EVA1A: variants seen among roughly 807,000 people sequenced by gnomAD.
The protein encoded by EVA1A is eva-1 homolog A, regulator of programmed cell death.
EVA1A carries 7 observed loss-of-function variants against 9.8 expected under a neutral mutation model. That is an observed-to-expected ratio of 0.71 (90% CI 0.41 to 1.34). The LOEUF (loss-of-function observed/expected upper bound fraction) is 1.34, where lower values mean the gene tolerates loss of function less well. EVA1A is among the 40% of genes most tolerant of loss of function. EVA1A has a pLI of 0.01. For synonymous variants in EVA1A, 90 were observed against 85.6 expected, an observed-to-expected ratio of 1.05 and a Z score of -0.28; for missense variants, 206 against 205.9, an observed-to-expected ratio of 1.00 and a Z score of 0.00.
At position 75,493,496 on chromosome 2, in the gene EVA1A, G is replaced by T; in HGVS notation, c.199C>A (p.Pro67Thr). 1 of 1,614,208 alleles carries T rather than the reference G, an allele frequency of 6.2e-7. No homozygotes were observed. The highest frequency in any genetic ancestry group is 2.2e-5 in the East Asian group (1 of 44,884). Reference protein sequence around the residue: ...ISCHTDCRRRPGKKFLQDRES... With the variant: ...ISCHTDCRRRTGKKFLQDRES... Reference sequence around the variant, plus strand: ...CTGTCCTGCAGGAACTTCTTCCCGGGACGCCGCCTGCAGTCTGTGTGGCAA... The same window carrying T: ...CTGTCCTGCAGGAACTTCTTCCCGGTACGCCGCCTGCAGTCTGTGTGGCAA... Residue 67 changes from proline (P) to threonine (T), a missense_variant, in exon 4 of 4, where the codon CCC (proline) becomes ACC (threonine). Physicochemically the swap from Pro to Thr is conservative, Grantham distance 38. Transcript: ENST00000393913.
At chr2:75,503,195 T>C (rs1207460725) in intron 3 of EVA1A, among the ~76,000 whole-genome samples, 1 of 152,194 alleles carries the variant, frequency 6.6e-6, no homozygotes, top group Non-Finnish European at 1.5e-5. Context: ...ATTTATGTCA[T>C]GCCTCTTCAT....
intron 1 of EVA1A, among the ~76,000 whole-genome samples, chr2:75,544,076 C>T (rs1278523901): frequency 2.0e-5 from 3 of 152,194 alleles, no homozygotes; most frequent in Admixed American, 6.5e-5. Flanking sequence ...TATACTCATG[C>T]CCGCTTCAGA....
At chr2:75,533,785 T>A (rs1022909586) in intron 1 of EVA1A, among the ~76,000 whole-genome samples, 93 of 150,982 alleles carry the variant, frequency 6.2e-4, no homozygotes, top group African/African-American at 1.9e-3. Flanking sequence ...AAATAATAAT[T>A]ATTATTTTAT....
intron 3 of EVA1A, among the ~76,000 whole-genome samples, chr2:75,498,585 C>T (rs1430582715): frequency 6.6e-6 from 1 of 152,132 alleles, no homozygotes; most frequent in African/African-American, 2.4e-5. Flanking sequence ...TTCAAAACAG[C>T]TGTATATAAT....
intron 2 of EVA1A, among the ~76,000 whole-genome samples, chr2:75,519,534 G>C (rs1356647603): frequency 1.3e-5 from 2 of 152,218 alleles, no homozygotes; most frequent in East Asian, 3.8e-4. Context: ...GAGGCTCTGA[G>C]AGTGACAGGA....
chr2:75,528,902 G>T (rs1295211451), intron 1 of EVA1A, among the ~76,000 whole-genome samples: 1 of 152,192 alleles, frequency 6.6e-6, no homozygotes, highest in African/African-American at 2.4e-5. Flanking sequence ...CAAGAAAGGA[G>T]AAAACAACAG....
intron 1 of EVA1A, among the ~76,000 whole-genome samples, chr2:75,557,359 G>T (rs1369989112): frequency 6.6e-6 from 1 of 152,220 alleles, no homozygotes; most frequent in Admixed American, 6.5e-5. Context: ...GAGGGTAAGT[G>T]AGTGGCTCCA....
intron 1 of EVA1A, among the ~76,000 whole-genome samples, chr2:75,568,015 A>G (rs1257872291): frequency 6.6e-6 from 1 of 152,194 alleles, no homozygotes; most frequent in Non-Finnish European, 1.5e-5. Flanking sequence ...TTTATTTTAA[A>G]TGGCTTGCTA....
At chr2:75,514,811 A>G (rs939650193) in intron 3 of EVA1A, among the ~76,000 whole-genome samples, 7 of 152,148 alleles carry the variant, frequency 4.6e-5, no homozygotes, top group African/African-American at 1.4e-4. Context: ...TTCTTTCCTT[A>G]GGAGACATTT....
At chr2:75,513,914 A>G (rs1444123399) in intron 3 of EVA1A, among the ~76,000 whole-genome samples, 2 of 152,192 alleles carry the variant, frequency 1.3e-5, no homozygotes, top group African/African-American at 2.4e-5. Flanking sequence ...TGAGGTTTTC[A>G]TTTTTTGCAG....
chr2:75,526,843 A>G (rs1158553138), intron 1 of EVA1A, among the ~76,000 whole-genome samples: 1 of 152,214 alleles, frequency 6.6e-6, no homozygotes, highest in African/African-American at 2.4e-5. Flanking sequence ...GGAGAGTGAC[A>G]TGGTCAGTTC....
intron 1 of EVA1A, chr2:75,526,174 T>C (rs1233768798): frequency 1.3e-5 from 2 of 152,184 alleles, no homozygotes. Context: ...AATGAGCAAA[T>C]GTGGTCAGCG....
intron 1 of EVA1A, among the ~76,000 whole-genome samples, chr2:75,555,704 A>G (rs570425517): frequency 1.2e-4 from 18 of 152,120 alleles, no homozygotes; most frequent in Non-Finnish European, 1.8e-4. Flanking sequence ...CCATTGTCTC[A>G]AAACAGTACA....
upstream of EVA1A, among the ~76,000 whole-genome samples, chr2:75,561,759 A>T (rs1250969552): frequency 6.6e-6 from 1 of 152,228 alleles, no homozygotes; most frequent in Non-Finnish European, 1.5e-5. Flanking sequence ...GCGGTCTAGC[A>T]AAGAGCACAG....
chr2:75,513,432 C>G (rs926587870), intron 3 of EVA1A, among the ~76,000 whole-genome samples: 1 of 152,108 alleles, frequency 6.6e-6, no homozygotes, highest in Non-Finnish European at 1.5e-5. Flanking sequence ...CCTCCTTGCC[C>G]GATAACTACT....
At chr2:75,527,889 A>G (rs1675508996) in intron 1 of EVA1A, among the ~76,000 whole-genome samples, 1 of 152,250 alleles carries the variant, frequency 6.6e-6, no homozygotes, top group South Asian at 2.1e-4. Context: ...TTGCCACTGC[A>G]AACTCCAAGA....
chr2:75,561,791 G>A (rs1558696635), upstream of EVA1A, among the ~76,000 whole-genome samples: 1 of 152,208 alleles, frequency 6.6e-6, no homozygotes, highest in Non-Finnish European at 1.5e-5. Flanking sequence ...AGTGATGGTG[G>A]GGAACAGGGA....
chr2:75,568,667 A>T (rs12468358), intron 1 of EVA1A, among the ~76,000 whole-genome samples: 1 of 151,926 alleles, frequency 6.6e-6, no homozygotes, highest in African/African-American at 2.4e-5. Context: ...ATGCCTTTGC[A>T]TCCTCATAGT....
upstream of EVA1A, among the ~76,000 whole-genome samples, chr2:75,565,548 C>T (rs1003182349): frequency 1.3e-5 from 2 of 152,144 alleles, no homozygotes; most frequent in African/African-American, 4.8e-5. Flanking sequence ...GATTTTCCTA[C>T]CCCACAAGGT....
Sources: allele counts gnomAD v4.1 joint callset (sites outside exome capture counted in the v4.1 genomes callset), GRCh38; gene constraint gnomAD v4.1.1; transcripts MANE v1.5; gene names NCBI Gene and HGNC (gene_info 2026-07-23, HGNC 2026-07-21).